Variants in CNTN4 observed in about 807,000 individuals in gnomAD.
CNTN4 encodes the protein contactin-4.
CNTN4 carries 77 observed loss-of-function variants against 122.5 expected under a neutral mutation model. That is an observed-to-expected ratio of 0.63 (90% CI 0.52 to 0.76). The LOEUF is 0.76. Among genes scored for constraint, CNTN4 ranks in the 30% least tolerant of loss-of-function variants. The pLI, the probability that CNTN4 is intolerant of heterozygous loss-of-function variation, is 0.00. For synonymous variants in CNTN4, 512 were observed against 447.0 expected (o/e 1.15, Z -1.83); for missense variants, 1,256 against 1,259.1 (o/e 1.00, Z 0.04).
intron 4 of CNTN4, among the ~76,000 whole-genome samples, chr3:2,697,726 G>T (rs77334869): frequency 6.6e-6 from 1 of 152,112 alleles, no homozygotes; most frequent in Admixed American, 6.6e-5. Context: ...GAAAAAAAAA[G>T]ATACTTATTT....
rs530667494 is a variant in CNTN4, at chr3:2,800,103, T to A, written c.359-19383T>A. On this transcript the variant is annotated intron_variant, in intron 6 of 24. Transcript: ENST00000418658. Reference sequence around the variant, plus strand: ...ACTTTTTTTTTTTTTTTGCTTAAGATTGCTTTGGCTATTCAGGTTCCACAG... The same window carrying A: ...ACTTTTTTTTTTTTTTTGCTTAAGAATGCTTTGGCTATTCAGGTTCCACAG... Among the ~76,000 whole-genome samples the A allele has an allele frequency of 3.2e-4, 47 of 146,700 alleles. No individual in the cohort carries two copies. The East Asian group carries it at 8.4e-3, about 26-fold the overall frequency.
intron 7 of CNTN4, among the ~76,000 whole-genome samples, chr3:2,856,301 G>A (rs1209732740): frequency 1.3e-5 from 2 of 152,144 alleles, no homozygotes; most frequent in Non-Finnish European, 2.9e-5. Context: ...TGGTTGCTAC[G>A]AGGCAAAAAA....
rs116981757 is a variant in CNTN4, at chr3:2,202,346, T to C, written c.-145+101707T>C. Among the ~76,000 whole-genome samples, 54 of 152,232 alleles carry C rather than the reference T, an allele frequency of 3.5e-4. No homozygotes were observed. In the East Asian group the frequency reaches 9.8e-3, roughly 28 times the overall value. On this transcript the variant is annotated intron_variant, in intron 2 of 24. Transcript: ENST00000418658. ...GCTTACGCTTTCTGTGGGAAAACCA[T>C]GGGGGTGGGAGTTACAAGTATTTGT...
At chr3:2,179,437 T>C (rs1222779053) in intron 2 of CNTN4, among the ~76,000 whole-genome samples, 1 of 151,996 alleles carries the variant, frequency 6.6e-6, no homozygotes, top group African/African-American at 2.4e-5. Flanking sequence ...GTACCTCCAA[T>C]GAAGTTGAGA....
At position 2,840,423 on chromosome 3, in the gene CNTN4, C is replaced by CG. The variant is rs1038693607; in HGVS notation, c.454+20844dup. Reference sequence around the variant, plus strand: ...TTCCTTCTTTTAGAAAAGCTGGGGCCGGCGCGGTGGCTCACGCCTGTCATC... The same window carrying CG: ...TTCCTTCTTTTAGAAAAGCTGGGGCCGGGCGCGGTGGCTCACGCCTGTCATC... On this transcript the variant is annotated intron_variant, in intron 7 of 24. Transcript: ENST00000418658. Among the ~76,000 whole-genome samples the CG allele has an allele frequency of 2.3e-3, 351 of 151,656 alleles. 2 individuals carry two copies. The highest frequency in any genetic ancestry group is 6.2e-3 in the African/African-American group (258 of 41,374).
rs1488380464 is a variant in CNTN4, at chr3:2,953,188, A to G, written c.1358+27409A>G. Reference sequence around the variant, plus strand: ...TCAATGTCTTGCCCTTGTCTCAAACATGTCTCCACCGTGTGCCACCATTTT... The same window carrying G: ...TCAATGTCTTGCCCTTGTCTCAAACGTGTCTCCACCGTGTGCCACCATTTT... On this transcript the variant is annotated intron_variant, in intron 13 of 24. Transcript: ENST00000418658. 3.3e-5 allele frequency among the ~76,000 whole-genome samples: 5 copies of G among 152,232 alleles called. No individual in the cohort carries two copies. The East Asian group carries it at 9.7e-4, about 29-fold the overall frequency.
At chr3:2,252,126 A>C (rs1007144786) in intron 2 of CNTN4, among the ~76,000 whole-genome samples, 6 of 152,042 alleles carry the variant, frequency 3.9e-5, no homozygotes, top group Non-Finnish European at 8.8e-5. Flanking sequence ...GCACTGATTT[A>C]ATGAATGAAG....
chr3:2,575,228 T>A (rs2079606997), intron 4 of CNTN4, among the ~76,000 whole-genome samples: 1 of 151,738 alleles, frequency 6.6e-6, no homozygotes, highest in South Asian at 2.1e-4. Context: ...TTAAAAAAAA[T>A]AAGGCCAGGC....
At chr3:2,210,603 T>G (rs2149437194) in intron 2 of CNTN4, among the ~76,000 whole-genome samples, 1 of 152,280 alleles carries the variant, frequency 6.6e-6, no homozygotes, top group Non-Finnish European at 1.5e-5. Flanking sequence ...CTTGGGTTCC[T>G]AAAAAACAGA....
chr3:2,578,399 G>A (rs2079790867), intron 4 of CNTN4, among the ~76,000 whole-genome samples: 1 of 152,126 alleles, frequency 6.6e-6, no homozygotes, highest in African/African-American at 2.4e-5. Context: ...CAACCCAGAA[G>A]GATCCTCCCT....
chr3:2,331,645 G>A (rs752264222), intron 2 of CNTN4, among the ~76,000 whole-genome samples: 36 of 152,162 alleles, frequency 2.4e-4, no homozygotes, highest in Non-Finnish European at 4.0e-4. Flanking sequence ...ACCTGAATGT[G>A]TGTTCCAAGC....
At chr3:2,258,550 TCCTA>T (rs1490829290) in intron 2 of CNTN4, among the ~76,000 whole-genome samples, 5 of 152,210 alleles carry the variant, frequency 3.3e-5, no homozygotes, top group Non-Finnish European at 7.3e-5. Context: ...GATAATGTTT[TCCTA>T]CCTTTTTAAT....
At position 2,647,436 on chromosome 3, in the gene CNTN4, C is replaced by A. The variant is rs1319985738; in HGVS notation, c.55+75878C>A. Among the ~76,000 whole-genome samples, 3 of 151,920 alleles carry A rather than the reference C, an allele frequency of 2.0e-5. No homozygotes were observed. The South Asian group carries it at 6.2e-4, about 32-fold the overall frequency. ...AAATAAATAGCATAAGTAACCTATG[C>A]CTTATCTCAAGGTCTTGGCCCATTT... On this transcript the variant is annotated intron_variant, in intron 4 of 24. Transcript: ENST00000418658.
chr3:2,498,143 G>A (rs2076501892), intron 3 of CNTN4, among the ~76,000 whole-genome samples: 1 of 151,974 alleles, frequency 6.6e-6, no homozygotes, highest in African/African-American at 2.4e-5. Flanking sequence ...AAATATATAT[G>A]AATACTTATG....
At chr3:2,729,371 C>G (rs9826122) in intron 4 of CNTN4, among the ~76,000 whole-genome samples, 2 of 147,576 alleles carry the variant, frequency 1.4e-5, no homozygotes, top group Admixed American at 6.7e-5. Flanking sequence ...GAGACCATCC[C>G]GGCTAACACA....
intron 7 of CNTN4, among the ~76,000 whole-genome samples, chr3:2,819,960 T>C (rs985536935): frequency 4.6e-5 from 7 of 152,214 alleles, no homozygotes; most frequent in Admixed American, 4.6e-4. Context: ...GTGAACTGTG[T>C]CTACTCGCAA....
At chr3:2,903,807 G>T (rs1312561893) in intron 12 of CNTN4, among the ~76,000 whole-genome samples, 2 of 151,950 alleles carry the variant, frequency 1.3e-5, no homozygotes, top group Non-Finnish European at 2.9e-5. Context: ...GTGACGTCAA[G>T]GATCATAATT....
At chr3:2,799,162 T>C (rs1026188827) in intron 6 of CNTN4, among the ~76,000 whole-genome samples, 1 of 152,210 alleles carries the variant, frequency 6.6e-6, no homozygotes, top group Admixed American at 6.5e-5. Context: ...TCTGTTTGTG[T>C]CCTTTGCCTT....
intron 4 of CNTN4, among the ~76,000 whole-genome samples, chr3:2,655,726 G>C (rs2083560056): frequency 6.6e-6 from 1 of 152,128 alleles, no homozygotes; most frequent in Non-Finnish European, 1.5e-5. Flanking sequence ...AGAGCTATTT[G>C]AAATGACGGA....
Sources: gnomAD v4.1 joint callset for allele counts (sites outside exome capture counted in the v4.1 genomes callset) on GRCh38, gnomAD v4.1.1 for gene constraint, MANE v1.5 for transcripts, NCBI Gene and HGNC (gene_info 2026-07-23, HGNC 2026-07-21) for gene names.